Variants in FGF13 observed in about 807,000 individuals in gnomAD.
FGF13 encodes the protein fibroblast growth factor homologous factor 2.
In FGF13, 2 loss-of-function variants were observed where a neutral mutation model predicts 19.5. The observed-to-expected ratio is 0.10, with a 90% CI of 0.04 to 0.32. The LOEUF (loss-of-function observed/expected upper bound fraction) is 0.32, where lower values mean the gene tolerates loss of function less well. Ranked by LOEUF, FGF13 falls within the 10% of genes least tolerant of loss-of-function variation. FGF13 has a pLI of 1.00. For synonymous variants in FGF13, 72 were observed against 76.9 expected (o/e 0.94, Z 0.33); for missense variants, 113 against 192.7 (o/e 0.59, Z 2.45).
At chrX:138,951,490 C>A (rs765468975) in intron 1 of FGF13, among the ~76,000 whole-genome samples, 6 of 110,118 alleles carry the variant, frequency 5.4e-5, no homozygotes, top group African/African-American at 9.9e-5. Context: ...AAAAAATATT[C>A]AAAAAAAATA....
chrX:139,038,280 ATTAACC>A (rs2092257102), intron 1 of FGF13, among the ~76,000 whole-genome samples: 1 of 110,745 alleles, frequency 9.0e-6, no homozygotes, highest in African/African-American at 3.3e-5. Flanking sequence ...TTCTTTAACT[ATTAACC>A]TTAAACCCCG....
At chrX:138,970,670 C>CA (rs1455385792) in intron 1 of FGF13, among the ~76,000 whole-genome samples, 6 of 111,313 alleles carry the variant, frequency 5.4e-5, no homozygotes, top group Admixed American at 2.9e-4. Context: ...TAGTGACTAA[C>CA]AAAAAATGCA....
intron 1 of FGF13, among the ~76,000 whole-genome samples, chrX:138,949,013 T>A (rs144191946): frequency 0.013 from 1,407 of 111,877 alleles, 29 homozygotes; most frequent in African/African-American, 0.043. Flanking sequence ...ATTGTACAGG[T>A]GAAGAAATCC....
intron 3 of FGF13, among the ~76,000 whole-genome samples, chrX:138,791,007 AAC>A (rs2090738324): frequency 8.9e-6 from 1 of 112,389 alleles, no homozygotes; most frequent in African/African-American, 3.2e-5. Flanking sequence ...AAAACTGTGT[AAC>A]AATAAAAAAT....
intron 1 of FGF13, among the ~76,000 whole-genome samples, chrX:139,149,080 T>C (rs1416849589): frequency 1.8e-5 from 2 of 112,136 alleles, no homozygotes; most frequent in Non-Finnish European, 3.8e-5. Flanking sequence ...TGACCTTTTC[T>C]GCTGTCAGTC....
At chrX:138,931,254 T>C (rs1033430794) in intron 1 of FGF13, among the ~76,000 whole-genome samples, 1 of 102,466 alleles carries the variant, frequency 9.8e-6, no homozygotes, top group Non-Finnish European at 2.0e-5. Context: ...AAAAGGGCTG[T>C]TTTTTTTTTT....
In FGF13 at chrX:138,786,722, G is replaced by A. The variant is rs1330268484; in HGVS notation, c.217+70790C>T. 1.3e-4 allele frequency among the ~76,000 whole-genome samples: 14 copies of A among 111,799 alleles called. No individual in the cohort carries two copies. The Admixed American group carries it at 1.3e-3, about 11-fold the overall frequency. On this transcript the variant is annotated intron_variant, in intron 3 of 6. Transcript: ENST00000436198. ...GGCAACAGAAACTTTTTGGCCTCTC[G>A]ACTTCAGGTCCCATGTAGATCTGCT...
At chrX:139,114,581 C>G (rs145014532) in intron 1 of FGF13, among the ~76,000 whole-genome samples, 23 of 111,494 alleles carry the variant, frequency 2.1e-4, no homozygotes, top group African/African-American at 7.2e-4. Flanking sequence ...TTCTCTGAGC[C>G]TGTTTCCTCA....
chrX:138,635,653 T>A lies in FGF13; in HGVS notation c.405A>T (p.Glu135Asp). The change falls in exon 4 of 5, where the codon GAA becomes GAT. Residue 135 changes from glutamate to aspartate, a missense_variant and splice_region_variant. Transcript: ENST00000315930. ...TGAATTTGCACTCAGGTGTGAAAAG[T>A]TCCTGCAACAAAAGTAAATAAACAA... ...MNSEGYLYTS[E>D]LFTPECKFKE... The A allele has an allele frequency of 8.3e-7, 1 of 1,202,402 alleles. No individual in the cohort carries two copies. The highest frequency in any genetic ancestry group is 2.2e-5 in the Admixed American group (1 of 45,982).
chrX:138,987,164 C>T (rs777485852), intron 1 of FGF13, among the ~76,000 whole-genome samples: 1 of 112,394 alleles, frequency 8.9e-6, no homozygotes, highest in Non-Finnish European at 1.9e-5. Context: ...TGAAGTATAG[C>T]ACAAATGTTG....
chrX:138,707,623 GAAC>G (rs1408302962), intron 2 of FGF13, among the ~76,000 whole-genome samples: 3 of 112,115 alleles, frequency 2.7e-5, no homozygotes, highest in Non-Finnish European at 3.8e-5. Context: ...ATGCATAAAA[GAAC>G]AACTAGGATT....
In FGF13 at chrX:138,711,504, G is replaced by A. The variant is rs965656809; in HGVS notation, c.-501C>T. ...ACGGAGGAGGGACGAGGCAGCGCGC[G>A]GGGGAGCGCGCCCTCGCCCTGGCCC... On this transcript the variant is annotated 5_prime_UTR_variant, in exon 1 of 5. Coordinates refer to ENST00000315930, the MANE Select transcript of FGF13 (RefSeq NM_004114.5). 1.5e-5 allele frequency: 11 copies of A among 752,236 alleles called. No homozygotes were observed. The highest frequency in any genetic ancestry group is 1.5e-4 in the East Asian group (1 of 6,583). The allele number at this position is 752,236 out of a possible 1,213,427, so 62.0% of individuals were successfully genotyped here. A position where few individuals can be genotyped will look rare whatever the true frequency, so the allele number is the denominator to read the frequency against.
chrX:138,839,988 T>G (rs2091138985), intron 3 of FGF13, among the ~76,000 whole-genome samples: 1 of 111,719 alleles, frequency 9.0e-6, no homozygotes, highest in Non-Finnish European at 1.9e-5. Context: ...AAACTTGAGG[T>G]GATATCTGGC....
chrX:138,899,343 T>A (rs1486775542), intron 1 of FGF13, among the ~76,000 whole-genome samples: 1 of 111,160 alleles, frequency 9.0e-6, no homozygotes, highest in Non-Finnish European at 1.9e-5. Flanking sequence ...TTAAGCCAAT[T>A]ACAATCCCCC....
intron 1 of FGF13, among the ~76,000 whole-genome samples, chrX:138,968,359 A>C (rs1280002024): frequency 8.9e-6 from 1 of 112,322 alleles, no homozygotes; most frequent in Non-Finnish European, 1.9e-5. Flanking sequence ...GTCATAATAC[A>C]AAACTAGTTA....
chrX:139,013,506 TATATATATATATATATATATATATAA>T (rs1205692222), intron 1 of FGF13, among the ~76,000 whole-genome samples: 14 of 82,029 alleles, frequency 1.7e-4, no homozygotes, highest in African/African-American at 6.5e-4. Flanking sequence ...TATATATATA[TATATATATATATATATATATATATAA>T]AATGAAATAC....
chrX:138,958,237 G>T (rs183469501), intron 1 of FGF13, among the ~76,000 whole-genome samples: 1 of 111,732 alleles, frequency 8.9e-6, no homozygotes, highest in Non-Finnish European at 1.9e-5. Flanking sequence ...TAGCAGGAAG[G>T]GCTGTTGAAT....
intron 1 of FGF13, among the ~76,000 whole-genome samples, chrX:139,050,056 G>A (rs1369585024): frequency 8.9e-6 from 1 of 111,877 alleles, no homozygotes; most frequent in African/African-American, 3.2e-5. Context: ...CTGAGTAGGT[G>A]CATAACCAAC....
chrX:138,706,028 A>G (rs1330944196), intron 2 of FGF13, among the ~76,000 whole-genome samples: 1 of 112,424 alleles, frequency 8.9e-6, no homozygotes, highest in Non-Finnish European at 1.9e-5. Flanking sequence ...ACTTAATCAG[A>G]GCCATGTACC....
Sources: allele counts gnomAD v4.1 joint callset (sites outside exome capture counted in the v4.1 genomes callset), GRCh38; gene constraint gnomAD v4.1.1; transcripts MANE v1.5; gene names NCBI Gene and HGNC (gene_info 2026-07-23, HGNC 2026-07-21).